ASCC3: variants seen among roughly 807,000 people sequenced by gnomAD.
ASCC3 encodes ASC-1 complex subunit P200.
A neutral mutation model predicts 256.3 loss-of-function variants in ASCC3; 158 were observed. The observed-to-expected ratio is 0.62, with a 90% CI of 0.54 to 0.70. The LOEUF is 0.70. Ranked by LOEUF, ASCC3 falls within the 30% of genes least tolerant of loss-of-function variation. The probability of loss-of-function intolerance (pLI) is 0.00; values close to 1 mark genes in which losing one functional copy is unlikely to be tolerated. For missense variants in ASCC3, 2,259 were observed against 2,626.0 expected (o/e 0.86, Z 3.05); for synonymous variants, 948 against 883.4 (o/e 1.07, Z -1.30).
chr6:100,630,191 A>G (rs1033679877), intron 26 of ASCC3, among the ~76,000 whole-genome samples: 1 of 152,136 alleles, frequency 6.6e-6, no homozygotes, highest in African/African-American at 2.4e-5. Context: ...GCCCAGCCTA[A>G]TATAATTTCT....
intron 26 of ASCC3, among the ~76,000 whole-genome samples, chr6:100,630,189 T>A (rs1202821820): frequency 6.6e-6 from 1 of 152,096 alleles, no homozygotes; most frequent in Admixed American, 6.6e-5. Context: ...ACGCCCAGCC[T>A]AATATAATTT....
chr6:100,518,011 G>C lies in ASCC3; in HGVS notation c.5907C>G (p.Asn1969Lys). 1.2e-6 allele frequency: 2 copies of C among 1,613,350 alleles called. No individual in the cohort carries two copies. Among genetic ancestry groups the C allele is most frequent in the Non-Finnish European group, 1.7e-6 (2 of 1,179,496 alleles). The change falls in exon 38 of 42, where the codon AAC becomes AAG. Residue 1969 changes from asparagine to lysine, a missense_variant. By Grantham distance (94) the Asn-to-Lys change is moderately conservative. Transcript: ENST00000369162. Reference protein sequence around the residue: ...SSLLTLPNIENHHLHLFKKWK... With the variant: ...SSLLTLPNIEKHHLHLFKKWK... ...ATTACTTGAAAAGGTGAAGATGATG[G>C]TTTTCTATGTTTGGTAGTGTAAGAA...
intron 30 of ASCC3, among the ~76,000 whole-genome samples, chr6:100,619,015 C>T: frequency 6.6e-6 from 1 of 152,152 alleles, no homozygotes; most frequent in East Asian, 1.9e-4. Context: ...ATTAAAGATT[C>T]AGAATGGCAG....
At chr6:100,713,837 T>C (rs549344190) in intron 13 of ASCC3, among the ~76,000 whole-genome samples, 3 of 152,232 alleles carry the variant, frequency 2.0e-5, no homozygotes, top group Non-Finnish European at 4.4e-5. Context: ...CAATATAGTT[T>C]ATATATTTTC....
At chr6:100,745,871 C>T (rs1256646677) in intron 10 of ASCC3, among the ~76,000 whole-genome samples, 1 of 152,032 alleles carries the variant, frequency 6.6e-6, no homozygotes, top group East Asian at 1.9e-4. Flanking sequence ...TTCTATCAAT[C>T]AGTAACCTTT....
chr6:100,722,211 G>A (rs1354804771), intron 11 of ASCC3, among the ~76,000 whole-genome samples: 2 of 151,804 alleles, frequency 1.3e-5, no homozygotes, highest in African/African-American at 4.8e-5. Flanking sequence ...TTTTGTACCA[G>A]TACCATGCTG....
At chr6:100,781,136 A>G (rs1162301003) in intron 8 of ASCC3, among the ~76,000 whole-genome samples, 6 of 152,162 alleles carry the variant, frequency 3.9e-5, no homozygotes. Context: ...TTTTGATTAA[A>G]TCATAATTAT....
At position 100,860,884 on chromosome 6, in the gene ASCC3, C is replaced by A. The variant is rs138486652; in HGVS notation, c.241+3180G>T. Among the ~76,000 whole-genome samples the A allele has an allele frequency of 8.1e-4, 123 of 152,134 alleles. 1 individual carries two copies. The highest frequency in any genetic ancestry group is 2.8e-3 in the African/African-American group (117 of 41,550). On this transcript the variant is annotated intron_variant, in intron 3 of 41. Coordinates refer to ENST00000369162, the MANE Select transcript of ASCC3 (RefSeq NM_006828.4). ...ATGGCAAAGAGATAAAAAAGTAAAT[C>A]GTGTCAACTCATAAAGGAGTTTTAT...
chr6:100,511,087 A>G (rs930325626), intron 40 of ASCC3, among the ~76,000 whole-genome samples: 10 of 152,148 alleles, frequency 6.6e-5, no homozygotes, highest in Non-Finnish European at 1.0e-4. Flanking sequence ...TATTATTACT[A>G]TTATTAGTTT....
At chr6:100,768,630 A>G (rs1385995339) in intron 8 of ASCC3, among the ~76,000 whole-genome samples, 1 of 152,164 alleles carries the variant, frequency 6.6e-6, no homozygotes, top group Non-Finnish European at 1.5e-5. Context: ...CCACAATTAC[A>G]ATCAAAGATT....
chr6:100,556,266 T>A (rs115965457), intron 36 of ASCC3, among the ~76,000 whole-genome samples: 2,436 of 152,200 alleles, frequency 0.016, 65 homozygotes, highest in African/African-American at 0.056. Flanking sequence ...AAAAGTTAAA[T>A]AAATCTAAAA....
intron 18 of ASCC3, among the ~76,000 whole-genome samples, chr6:100,652,230 G>A (rs112939617): frequency 0.012 from 1,858 of 152,210 alleles, 40 homozygotes; most frequent in African/African-American, 0.043. Flanking sequence ...ACTAGCAAGT[G>A]AACAAATTTA....
intron 37 of ASCC3, among the ~76,000 whole-genome samples, chr6:100,520,354 C>T (rs1774240177): frequency 6.6e-6 from 1 of 152,048 alleles, no homozygotes; most frequent in Non-Finnish European, 1.5e-5. Flanking sequence ...CCTCTGTACA[C>T]TTAGTAGAGC....
intron 4 of ASCC3, among the ~76,000 whole-genome samples, chr6:100,831,234 A>G (rs1771602813): frequency 6.6e-6 from 1 of 152,016 alleles, no homozygotes; most frequent in African/African-American, 2.4e-5. Context: ...GCTTGAGAGA[A>G]AAAGGAGGAT....
At chr6:100,563,251 A>T (rs1481779685) in intron 36 of ASCC3, among the ~76,000 whole-genome samples, 1 of 152,000 alleles carries the variant, frequency 6.6e-6, no homozygotes, top group Non-Finnish European at 1.5e-5. Flanking sequence ...CGATTTCTTC[A>T]ACTCTTTTTT....
chr6:100,728,229 C>T (rs1184728435), intron 10 of ASCC3, among the ~76,000 whole-genome samples: 2 of 150,548 alleles, frequency 1.3e-5, no homozygotes, highest in Non-Finnish European at 3.0e-5. Flanking sequence ...TAAAAAAACA[C>T]AAAAAAGAAG....
At chr6:100,624,131 C>T (rs920155631) in intron 30 of ASCC3, among the ~76,000 whole-genome samples, 1 of 151,040 alleles carries the variant, frequency 6.6e-6, no homozygotes, top group African/African-American at 2.4e-5. Flanking sequence ...AAAAAAAAGA[C>T]ACCATGAAAA....
chr6:100,561,745 T>G (rs1220966230), intron 36 of ASCC3, among the ~76,000 whole-genome samples: 4 of 152,194 alleles, frequency 2.6e-5, no homozygotes, highest in Non-Finnish European at 5.9e-5. Context: ...TGTTGATCTA[T>G]CAGAAAAAAG....
intron 4 of ASCC3, among the ~76,000 whole-genome samples, chr6:100,824,526 A>G (rs1046241129): frequency 1.3e-5 from 2 of 152,216 alleles, no homozygotes; most frequent in Non-Finnish European, 2.9e-5. Context: ...CCTTTTGGCT[A>G]AGATCAAGAA....
Sources: gnomAD v4.1 joint callset for allele counts (sites outside exome capture counted in the v4.1 genomes callset) on GRCh38, gnomAD v4.1.1 for gene constraint, MANE v1.5 for transcripts, NCBI Gene and HGNC (gene_info 2026-07-23, HGNC 2026-07-21) for gene names.